CHRM3: variants seen among roughly 807,000 people sequenced by gnomAD.
The protein encoded by CHRM3 is cholinergic receptor muscarinic 3.
CHRM3 carries 11 observed loss-of-function variants against 41.8 expected under a neutral mutation model. The observed-to-expected ratio is 0.26, with a 90% confidence interval of 0.17 to 0.44. CHRM3 has a LOEUF of 0.44. Among genes scored for constraint, CHRM3 ranks in the 20% least tolerant of loss-of-function variants. CHRM3 has a pLI of 1.00. For missense variants in CHRM3, 571 were observed against 745.4 expected (o/e 0.77, Z 2.72); for synonymous variants, 297 against 301.4 (o/e 0.99, Z 0.15).
intron 5 of CHRM3, among the ~76,000 whole-genome samples, chr1:239,766,622 A>G (rs888129757): frequency 1.3e-5 from 2 of 152,202 alleles, no homozygotes; most frequent in African/African-American, 4.8e-5. Flanking sequence ...ATATCTGTCT[A>G]TAGATAGACA....
chr1:239,426,497 TCCAAA>T (rs1662400469), intron 1 of CHRM3, among the ~76,000 whole-genome samples: 1 of 138,072 alleles, frequency 7.2e-6, no homozygotes, highest in Non-Finnish European at 1.6e-5. Flanking sequence ...AAAGAAAAAA[TCCAAA>T]CCAAACCAAA....
chr1:239,548,850 G>T (rs777008841), intron 3 of CHRM3, among the ~76,000 whole-genome samples: 1 of 152,142 alleles, frequency 6.6e-6, no homozygotes, highest in Non-Finnish European at 1.5e-5. Flanking sequence ...TGTAATAAAA[G>T]GAAAAAAGCA....
intron 6 of CHRM3, among the ~76,000 whole-genome samples, chr1:239,868,940 G>A (rs1403934497): frequency 6.6e-6 from 1 of 152,150 alleles, no homozygotes; most frequent in Non-Finnish European, 1.5e-5. Flanking sequence ...CTGTGAAATA[G>A]CTTTTTAAGC....
chr1:239,393,946 A>G (rs956903653), intron 1 of CHRM3, among the ~76,000 whole-genome samples: 1 of 152,188 alleles, frequency 6.6e-6, no homozygotes, highest in Non-Finnish European at 1.5e-5. Context: ...CTATCTCTTT[A>G]TATCTAATCC....
intron 1 of CHRM3, among the ~76,000 whole-genome samples, chr1:239,489,124 A>G (rs556750351): frequency 6.6e-6 from 1 of 152,222 alleles, no homozygotes; most frequent in South Asian, 2.1e-4. Flanking sequence ...TGTAAGAAAA[A>G]ATTTGGGGGC....
intron 3 of CHRM3, among the ~76,000 whole-genome samples, chr1:239,570,372 T>A (rs1358037943): frequency 6.6e-6 from 1 of 152,200 alleles, no homozygotes; most frequent in Non-Finnish European, 1.5e-5. Flanking sequence ...CTTTGTAAAT[T>A]ACCCAGTCTC....
chr1:239,758,125 C>T (rs1430455338), intron 5 of CHRM3, among the ~76,000 whole-genome samples: 2 of 152,198 alleles, frequency 1.3e-5, no homozygotes, highest in Non-Finnish European at 1.5e-5. Flanking sequence ...ATACCTAAAA[C>T]TGCCCATTGA....
chr1:239,627,222 C>A (rs1207256746), intron 3 of CHRM3, among the ~76,000 whole-genome samples: 1 of 122,740 alleles, frequency 8.1e-6, no homozygotes, highest in Non-Finnish European at 1.7e-5. Context: ...ATAGTTAGCT[C>A]CTCTTGTTGA....
At chr1:239,686,535 C>T (rs113182554) in intron 5 of CHRM3, among the ~76,000 whole-genome samples, 4 of 152,096 alleles carry the variant, frequency 2.6e-5, no homozygotes, top group African/African-American at 9.7e-5. Flanking sequence ...CCATGTCTTT[C>T]CCCAGAGCCC....
At chr1:239,578,951 A>C (rs762075799) in intron 3 of CHRM3, among the ~76,000 whole-genome samples, 2 of 152,220 alleles carry the variant, frequency 1.3e-5, no homozygotes, top group Non-Finnish European at 2.9e-5. Context: ...AGACTTCCTC[A>C]TTCACTTTCT....
intron 5 of CHRM3, chr1:239,719,718 T>G (rs1662744778): frequency 6.6e-6 from 1 of 151,952 alleles, no homozygotes; most frequent in Non-Finnish European, 1.5e-5. Context: ...AGTGGGATTT[T>G]GGGCACGGCC....
At chr1:239,681,464 A>G (rs2149099024) in intron 5 of CHRM3, among the ~76,000 whole-genome samples, 1 of 152,360 alleles carries the variant, frequency 6.6e-6, no homozygotes, top group African/African-American at 2.4e-5. Flanking sequence ...TCCTGTCTTC[A>G]ACATGAAACC....
chr1:239,700,299 C>T (rs1014113295), intron 5 of CHRM3, among the ~76,000 whole-genome samples: 1 of 152,014 alleles, frequency 6.6e-6, no homozygotes, highest in East Asian at 1.9e-4. Flanking sequence ...TATGCCATTC[C>T]GTCTATAACA....
intron 5 of CHRM3, 63 bp downstream of exon 5, chr1:239,678,351 A>T (rs1440516928): frequency 1.3e-5 from 2 of 152,202 alleles, no homozygotes; most frequent in Non-Finnish European, 2.9e-5. Context: ...ATGTATATTC[A>T]TTCCTGTGGA....
chr1:239,623,543 A>G (rs2148826230), intron 3 of CHRM3, among the ~76,000 whole-genome samples: 1 of 110,100 alleles, frequency 9.1e-6, no homozygotes, highest in South Asian at 3.6e-4. Flanking sequence ...ACATGTGCAC[A>G]TTGTGCAGGT....
At chr1:239,624,479 G>A in intron 3 of CHRM3, among the ~76,000 whole-genome samples, 1 of 128,076 alleles carries the variant, frequency 7.8e-6, no homozygotes, top group Non-Finnish European at 1.6e-5. Flanking sequence ...AGTTTCTTTT[G>A]CTGTGCAGAA....
chr1:239,721,699 G>A (rs1662984323), intron 5 of CHRM3, among the ~76,000 whole-genome samples: 1 of 151,856 alleles, frequency 6.6e-6, no homozygotes, highest in Non-Finnish European at 1.5e-5. Flanking sequence ...AATTCATCAT[G>A]GAATAGCCAA....
intron 6 of CHRM3, among the ~76,000 whole-genome samples, chr1:239,867,403 A>G (rs1676204651): frequency 6.6e-6 from 1 of 152,136 alleles, no homozygotes; most frequent in African/African-American, 2.4e-5. Context: ...AAAGTCATGT[A>G]TGGGCTGGGC....
chr1:239,580,704 TACACACAC>T (rs1553332738), intron 3 of CHRM3, among the ~76,000 whole-genome samples: 2 of 131,082 alleles, frequency 1.5e-5, no homozygotes, highest in African/African-American at 5.7e-5. Context: ...TATATATATA[TACACACAC>T]ACACACACAC....
Sources: allele counts gnomAD v4.1 joint callset (sites outside exome capture counted in the v4.1 genomes callset), GRCh38; gene constraint gnomAD v4.1.1; transcripts MANE v1.5; gene names NCBI Gene and HGNC (gene_info 2026-07-23, HGNC 2026-07-21).